The following OXR1 variants were observed in gnomAD, a reference collection of about 807,000 sequenced individuals.
OXR1 encodes oxidation resistance protein 1.
Under a neutral mutation model 104.6 loss-of-function variants are expected in OXR1, and 41 were observed. The observed-to-expected ratio is 0.39, with a 90% CI of 0.31 to 0.51. The LOEUF (loss-of-function observed/expected upper bound fraction) is 0.51. Ranked by LOEUF, OXR1 falls within the 20% of genes least tolerant of loss-of-function variation. The pLI, the probability that OXR1 is intolerant of heterozygous loss-of-function variation, is 0.77. For missense variants in OXR1, 955 were observed against 1,031.9 expected, an observed-to-expected ratio of 0.93 and a Z score of 1.02; for synonymous variants, 348 against 348.4, an observed-to-expected ratio of 1.00 and a Z score of 0.01.
chr8:106,448,591 A>G (rs1267533349), intron 2 of OXR1, among the ~76,000 whole-genome samples: 1 of 152,218 alleles, frequency 6.6e-6, no homozygotes, highest in Non-Finnish European at 1.5e-5. Flanking sequence ...TATTCTGTGA[A>G]TAATAGTTTC....
chr8:106,370,569 T>C (rs7813087), intron 2 of OXR1, among the ~76,000 whole-genome samples: 7,114 of 152,254 alleles, frequency 0.047, 515 homozygotes, highest in African/African-American at 0.16. Flanking sequence ...TGAGATATAT[T>C]CCATCAATAC....
At chr8:106,691,903 G>A (rs1374999162) in intron 6 of OXR1, among the ~76,000 whole-genome samples, 21 of 149,526 alleles carry the variant, frequency 1.4e-4, no homozygotes, top group Non-Finnish European at 3.0e-5. Context: ...TTACTCATTT[G>A]TCAAGTTATT....
chr8:106,303,430 G>A (rs929995748), intron 1 of OXR1, among the ~76,000 whole-genome samples: 1 of 151,178 alleles, frequency 6.6e-6, no homozygotes, highest in African/African-American at 2.4e-5. Flanking sequence ...AGTAGAGACG[G>A]GGTTTCACTG....
chr8:106,589,580 A>G (rs1818918700), intron 3 of OXR1, among the ~76,000 whole-genome samples: 1 of 152,186 alleles, frequency 6.6e-6, no homozygotes, highest in South Asian at 2.1e-4. Context: ...TGCCGATTTC[A>G]GACGACGCAG....
At chr8:106,408,807 T>C (rs1323682851) in intron 2 of OXR1, among the ~76,000 whole-genome samples, 1 of 152,150 alleles carries the variant, frequency 6.6e-6, no homozygotes, top group Non-Finnish European at 1.5e-5. Flanking sequence ...ACTGCCTGGC[T>C]CTAGTGGCCA....
At position 106,382,942 on chromosome 8, in the gene OXR1, A is replaced by T. The variant is rs146926494; in HGVS notation, c.23+23306A>T. Among the ~76,000 whole-genome samples, 76 of 151,120 alleles carry T rather than the reference A, an allele frequency of 5.0e-4. 1 individual carries two copies. The highest frequency in any genetic ancestry group is 1.8e-3 in the African/African-American group (73 of 41,172). On this transcript the variant is annotated intron_variant, in intron 2 of 16. Transcript: ENST00000517566. Reference sequence around the variant, plus strand: ...ACATCCAAAGTGTTGGCCCTTAGCTACTCTGATTTTGTGCATCTATAGTAA... The same window carrying T: ...ACATCCAAAGTGTTGGCCCTTAGCTTCTCTGATTTTGTGCATCTATAGTAA...
intron 1 of OXR1, among the ~76,000 whole-genome samples, chr8:106,296,956 T>C (rs1328020777): frequency 2.6e-5 from 4 of 152,214 alleles, no homozygotes; most frequent in Non-Finnish European, 2.9e-5. Context: ...TCTTCATCTC[T>C]AGGAGGAGTC....
intron 2 of OXR1, among the ~76,000 whole-genome samples, chr8:106,452,708 G>T (rs1490949365): frequency 6.6e-6 from 1 of 151,918 alleles, no homozygotes; most frequent in Non-Finnish European, 1.5e-5. Context: ...CTTAAACTGG[G>T]GTCACATTTG....
chr8:106,448,811 A>G (rs1427824963), intron 2 of OXR1, among the ~76,000 whole-genome samples: 1 of 152,196 alleles, frequency 6.6e-6, no homozygotes, highest in African/African-American at 2.4e-5. Flanking sequence ...ACCTTTACTC[A>G]TGAATTCTCA....
intron 1 of OXR1, among the ~76,000 whole-genome samples, chr8:106,326,860 A>G (rs934679561): frequency 6.6e-6 from 1 of 152,320 alleles, no homozygotes; most frequent in East Asian, 1.9e-4. Flanking sequence ...AGGACTTTGT[A>G]GGAAATGGTG....
intron 3 of OXR1, among the ~76,000 whole-genome samples, chr8:106,652,407 G>A (rs1177362832): frequency 2.0e-5 from 3 of 152,010 alleles, no homozygotes; most frequent in Non-Finnish European, 4.4e-5. Flanking sequence ...AAGGATGGGG[G>A]AATTGTACCA....
chr8:106,603,095 A>G (rs907424034), intron 3 of OXR1, among the ~76,000 whole-genome samples: 1 of 152,212 alleles, frequency 6.6e-6, no homozygotes, highest in Non-Finnish European at 1.5e-5. Context: ...TTAATGTTTC[A>G]TAGCCTGTAT....
In OXR1 at chr8:106,549,069, C is replaced by T. The variant is rs550455130; in HGVS notation, c.220+29930C>T. On this transcript the variant is annotated intron_variant, in intron 3 of 16. Transcript: ENST00000517566. ...ACACCTGCCTCAAAGTCATGATCAC[C>T]GGAAAAAAAAACAAAACCAGTGAAA... Among the ~76,000 whole-genome samples the T allele has an allele frequency of 2.4e-4, 36 of 151,160 alleles. No individual in the cohort carries two copies. The South Asian group carries it at 5.2e-3, about 22-fold the overall frequency.
chr8:106,638,926 A>ACAG (rs1823396140), intron 3 of OXR1, among the ~76,000 whole-genome samples: 1 of 150,662 alleles, frequency 6.6e-6, no homozygotes. Context: ...AAACAACACA[A>ACAG]CAAAAATCAA....
intron 2 of OXR1, among the ~76,000 whole-genome samples, chr8:106,479,089 C>T (rs1821962340): frequency 6.6e-6 from 1 of 151,928 alleles, no homozygotes; most frequent in Non-Finnish European, 1.5e-5. Flanking sequence ...TGTGACTTTT[C>T]AATAGGTTGT....
intron 2 of OXR1, among the ~76,000 whole-genome samples, chr8:106,511,326 A>G (rs147545414): frequency 3.3e-5 from 5 of 152,336 alleles, no homozygotes; most frequent in African/African-American, 1.2e-4. Context: ...ACAGTATCCA[A>G]CTTGGAAAAC....
At chr8:106,571,280 T>C (rs984511538) in intron 3 of OXR1, among the ~76,000 whole-genome samples, 1 of 152,020 alleles carries the variant, frequency 6.6e-6, no homozygotes, top group Non-Finnish European at 1.5e-5. Flanking sequence ...AGGGTGCCAG[T>C]GTGGTTGGGT....
At chr8:106,544,252 A>T (rs962313776) in intron 3 of OXR1, among the ~76,000 whole-genome samples, 2 of 149,660 alleles carry the variant, frequency 1.3e-5, no homozygotes, top group African/African-American at 2.5e-5. Context: ...TTGTCAAGGC[A>T]TAAATCCAAA....
intron 2 of OXR1, among the ~76,000 whole-genome samples, chr8:106,431,983 TTCATTGTCCTAAAG>T (rs1444738977): frequency 1.3e-5 from 2 of 152,216 alleles, no homozygotes; most frequent in African/African-American, 4.8e-5. Flanking sequence ...TATTTCCCTC[TTCATTGTCCTAAAG>T]TCAACACTGT....
Sources: allele counts gnomAD v4.1 joint callset (sites outside exome capture counted in the v4.1 genomes callset), GRCh38; gene constraint gnomAD v4.1.1; transcripts MANE v1.5; gene names NCBI Gene and HGNC (gene_info 2026-07-23, HGNC 2026-07-21).